The following ST18 variants were observed in gnomAD, a reference collection of about 807,000 sequenced individuals.
ST18 encodes the protein suppression of tumorigenicity 18 protein.
In ST18, 50 loss-of-function variants were observed where a neutral mutation model predicts 110.0. That is an observed-to-expected ratio of 0.45 (90% CI 0.36 to 0.58). The LOEUF is 0.58. Among genes scored for constraint, ST18 ranks in the 20% least tolerant of loss-of-function variants. ST18 has a pLI of 0.00. For synonymous variants in ST18, 461 were observed against 452.4 expected (o/e 1.02, Z -0.24); for missense variants, 1,306 against 1,280.1 (o/e 1.02, Z -0.31).
intron 2 of ST18, among the ~76,000 whole-genome samples, chr8:52,320,312 G>T (rs936849616): frequency 2.0e-5 from 3 of 152,090 alleles, no homozygotes; most frequent in African/African-American, 7.2e-5. Flanking sequence ...TAGCCTCTGT[G>T]GAGGAAACCC....
chr8:52,294,984 G>A (rs1024236178), intron 2 of ST18, among the ~76,000 whole-genome samples: 10 of 152,160 alleles, frequency 6.6e-5, no homozygotes, highest in African/African-American at 2.4e-4. Context: ...CATGCTTGCC[G>A]TTTGTAAGAT....
intron 4 of ST18, among the ~76,000 whole-genome samples, chr8:52,221,202 T>C (rs1588771697): frequency 6.6e-6 from 1 of 152,150 alleles, no homozygotes; most frequent in African/African-American, 2.4e-5. Flanking sequence ...TTAATGATCA[T>C]TACTATTATT....
At chr8:52,128,336 G>A (rs2131331519) in intron 22 of ST18, among the ~76,000 whole-genome samples, 1 of 152,242 alleles carries the variant, frequency 6.6e-6, no homozygotes, top group Non-Finnish European at 1.5e-5. Context: ...TGTATCTCGT[G>A]AACATAATTG....
intron 2 of ST18, among the ~76,000 whole-genome samples, chr8:52,265,906 G>A (rs2094851697): frequency 6.6e-6 from 1 of 152,140 alleles, no homozygotes; most frequent in South Asian, 2.1e-4. Flanking sequence ...AGAAATCTAA[G>A]GGCCACACCA....
Position 52,171,900 on chromosome 8 carries a change from G to A in ST18, c.961C>T (p.His321Tyr). The change falls in exon 10 of 26, where the codon CAT becomes TAT. Residue 321 changes from histidine to tyrosine, a missense_variant. By Grantham distance (83) the His-to-Tyr change is moderately conservative. Transcript: ENST00000689386. ...ALQAERGCVF[H>Y]NTYKELDRFL... ...CTATCCAGCTCTTTGTAGGTGTTAT[G>A]GAAAACACAACCTCGCTCAGCCTGC... 6.2e-7 allele frequency: 1 copy of A among 1,614,158 alleles called. No homozygotes were observed. The highest frequency in any genetic ancestry group is 8.5e-7 in the Non-Finnish European group (1 of 1,180,032).
intron 23 of ST18, chr8:52,125,749 C>A (rs1586383084): frequency 3.5e-6 from 1 of 282,256 alleles, no homozygotes; most frequent in East Asian, 7.0e-5. Context: ...CTTGGTCTCC[C>A]AAAGTGCTGG....
chr8:52,181,651 C>A (rs565655614), intron 8 of ST18, among the ~76,000 whole-genome samples: 1 of 152,068 alleles, frequency 6.6e-6, no homozygotes, highest in African/African-American at 2.4e-5. Context: ...TGTAAAGTAA[C>A]CAAGTACAGA....
At position 52,113,088 on chromosome 8, in the gene ST18, T is replaced by C. The variant is rs1217865943; in HGVS notation, c.*110A>G. On this transcript the variant is annotated 3_prime_UTR_variant, in exon 26 of 26. Coordinates refer to ENST00000689386, the MANE Select transcript of ST18 (RefSeq NM_001352837.2). ...ATAAAATTAGTGCAATGTTGCAAAT[T>C]GTAAATGCAGTACGGCAACCTCCAC... 5.4e-6 allele frequency: 7 copies of C among 1,287,366 alleles called. No individual in the cohort carries two copies. The highest frequency in any genetic ancestry group is 7.2e-6 in the Non-Finnish European group (7 of 974,610). The allele number at this position is 1,287,366 out of a possible 1,614,324, so 79.7% of individuals were successfully genotyped here.
chr8:52,164,416 G>T (rs9792154), intron 12 of ST18, among the ~76,000 whole-genome samples: 44,773 of 152,138 alleles, frequency 0.29, 9,747 homozygotes, highest in African/African-American at 0.62. Context: ...TATCCAACTC[G>T]AGAAGTTAGC....
intron 2 of ST18, among the ~76,000 whole-genome samples, chr8:52,355,144 C>T (rs1590190330): frequency 6.6e-6 from 1 of 152,312 alleles, no homozygotes; most frequent in East Asian, 1.9e-4. Flanking sequence ...TCCCAGCCCA[C>T]TCCTAGACTT....
At chr8:52,393,442 T>C (rs1402683770) in intron 2 of ST18, 2 of 152,160 alleles carry the variant, frequency 1.3e-5, no homozygotes, top group African/African-American at 4.8e-5. Context: ...TCAAACTCCA[T>C]TGACCAGTTT....
At position 52,341,813 on chromosome 8, in the gene ST18, C is replaced by A. The variant is rs547686686; in HGVS notation, c.-465+67515G>T. 3.9e-5 allele frequency among the ~76,000 whole-genome samples: 6 copies of A among 152,302 alleles called. No individual in the cohort carries two copies. In the East Asian group the frequency reaches 1.2e-3, roughly 29 times the overall value. Reference sequence around the variant, plus strand: ...CAGAGCTGTACTGTCGGACACAGAGCAGCCTCTGCCCCTTAGGCTCCCAGC... The same window carrying A: ...CAGAGCTGTACTGTCGGACACAGAGAAGCCTCTGCCCCTTAGGCTCCCAGC... On this transcript the variant is annotated intron_variant, in intron 2 of 25. Coordinates refer to ENST00000689386, the MANE Select transcript of ST18 (RefSeq NM_001352837.2).
At chr8:52,306,082 C>A (rs949719282) in intron 2 of ST18, among the ~76,000 whole-genome samples, 1 of 152,230 alleles carries the variant, frequency 6.6e-6, no homozygotes, top group Admixed American at 6.5e-5. Context: ...CACAGCCACA[C>A]TCCACATCAT....
At chr8:52,136,439 C>T in intron 19 of ST18, 151 bp downstream of exon 19, 1 of 696,520 alleles carries the variant, frequency 1.4e-6, no homozygotes, top group South Asian at 1.8e-5. Flanking sequence ...TTTCAGTCAT[C>T]CCAGCGCTTT....
intron 7 of ST18, 79 bp downstream of exon 7, chr8:52,214,124 C>T: frequency 1.4e-6 from 2 of 1,443,132 alleles, no homozygotes; most frequent in East Asian, 2.3e-5. Context: ...TCTGACTGCA[C>T]ACGAGGGACT....
chr8:52,143,355 C>T (rs570969043), intron 16 of ST18, among the ~76,000 whole-genome samples: 2 of 152,138 alleles, frequency 1.3e-5, no homozygotes, highest in African/African-American at 4.8e-5. Flanking sequence ...CGCTGTGGTG[C>T]GTGCCTGTAG....
intron 2 of ST18, among the ~76,000 whole-genome samples, chr8:52,244,659 C>T (rs900165489): frequency 4.6e-5 from 7 of 152,150 alleles, no homozygotes; most frequent in East Asian, 1.9e-4. Context: ...TGCAGATGAC[C>T]GCCCTTATTT....
chr8:52,163,909 C>T (rs2062108626), intron 13 of ST18, 77 bp downstream of exon 13: 1 of 1,148,224 alleles, frequency 8.7e-7, no homozygotes, highest in South Asian at 1.4e-5. Context: ...AGAGAACTGA[C>T]TCATGAAGGA....
intron 19 of ST18, among the ~76,000 whole-genome samples, chr8:52,135,568 CA>C (rs71252929): frequency 0.025 from 1,408 of 56,182 alleles, 13 homozygotes; most frequent in African/African-American, 0.067. Context: ...AACTCCATCT[CA>C]AAAAAAAAAA....
Sources: allele counts gnomAD v4.1 joint callset (sites outside exome capture counted in the v4.1 genomes callset), GRCh38; gene constraint gnomAD v4.1.1; transcripts MANE v1.5; gene names NCBI Gene and HGNC (gene_info 2026-07-23, HGNC 2026-07-21).